The following KITLG variants were observed in gnomAD, a reference collection of about 807,000 sequenced individuals.
KITLG encodes c-Kit ligand.
KITLG carries 13 observed loss-of-function variants against 34.1 expected under a neutral mutation model. The observed-to-expected ratio is 0.38, with a 90% confidence interval of 0.25 to 0.61. The LOEUF is 0.61. Ranked by LOEUF, KITLG falls within the 20% of genes least tolerant of loss-of-function variation. The probability of loss-of-function intolerance (pLI) is 0.60; values close to 1 mark genes in which losing one functional copy is unlikely to be tolerated. For synonymous variants in KITLG, 110 were observed against 104.0 expected, an observed-to-expected ratio of 1.06 and a Z score of -0.35; for missense variants, 292 against 318.9, an observed-to-expected ratio of 0.92 and a Z score of 0.64.
At chr12:88,550,456 C>T (rs1251762765) in intron 1 of KITLG, among the ~76,000 whole-genome samples, 1 of 152,078 alleles carries the variant, frequency 6.6e-6, no homozygotes, top group African/African-American at 2.4e-5. Context: ...TGCTATCAGG[C>T]AGAGCGCTGG....
chr12:88,572,595 T>TTATATATATATA (rs58146008), intron 1 of KITLG, among the ~76,000 whole-genome samples: 43 of 134,912 alleles, frequency 3.2e-4, no homozygotes, highest in African/African-American at 1.1e-3. Flanking sequence ...ATATACATTA[T>TTATATATATATA]TATATATATA....
intron 5 of KITLG, 62 bp downstream of exon 5, chr12:88,516,272 C>G (rs1356444604): frequency 7.1e-7 from 1 of 1,407,296 alleles, no homozygotes; most frequent in Non-Finnish European, 1.0e-6. Context: ...TAGATTCTTA[C>G]TACATAGGGA....
At position 88,496,594 on chromosome 12, in the gene KITLG, G is replaced by T. The variant is rs941405004; in HGVS notation, c.*625C>A. On this transcript the variant is annotated 3_prime_UTR_variant, in exon 10 of 10. Coordinates refer to ENST00000644744, the MANE Select transcript of KITLG (RefSeq NM_000899.5). ...TGCATTTGTATAGTGGGATATGGGT[G>T]AGCATGGTTTACATCAGGAAGAGAT... 1 of 152,358 alleles carries T rather than the reference G, an allele frequency of 6.6e-6. No homozygotes were observed. The allele number at this position is 152,358 out of a possible 1,614,324, so 9.4% of individuals were successfully genotyped here. A position where few individuals can be genotyped will look rare whatever the true frequency, so the allele number is the denominator to read the frequency against.
intron 6 of KITLG, among the ~76,000 whole-genome samples, chr12:88,513,394 A>T (rs1011939989): frequency 6.6e-6 from 1 of 151,830 alleles, no homozygotes; most frequent in Non-Finnish European, 1.5e-5. Flanking sequence ...CAGATAAAAA[A>T]CAAGTAAGGA....
At chr12:88,508,635 G>A (rs547638142) in intron 6 of KITLG, among the ~76,000 whole-genome samples, 10 of 151,882 alleles carry the variant, frequency 6.6e-5, no homozygotes, top group African/African-American at 1.7e-4. Flanking sequence ...TGATCCCCAC[G>A]TAGGGAGTTG....
rs187887128 is a variant in KITLG, at chr12:88,518,516, A to G, written c.363+181T>C. ...ACATTTAAGTTTGAATGTGCACTTCAGTATTGCAGTATAACTGCAAATACT... is the reference window on the plus strand; with the variant it reads ...ACATTTAAGTTTGAATGTGCACTTCGGTATTGCAGTATAACTGCAAATACT... On this transcript the variant is annotated intron_variant, in intron 4 of 9. Coordinates refer to ENST00000644744, the MANE Select transcript of KITLG (RefSeq NM_000899.5). Among the ~76,000 whole-genome samples the G allele has an allele frequency of 5.8e-4, 88 of 152,330 alleles. 1 individual carries two copies. The highest frequency in any genetic ancestry group is 8.1e-4 in the Non-Finnish European group (55 of 68,032).
rs1868477570 is a variant in KITLG, at chr12:88,493,269, A to T, written c.*3950T>A. ...TTGTTTTAATTTTATTGTTAAAAAC[A>T]TCATAAGGATGTAGTTGGAGATGGC... On this transcript the variant is annotated 3_prime_UTR_variant, in exon 10 of 10. Transcript: ENST00000644744. 1 of 152,422 alleles carries T rather than the reference A, an allele frequency of 6.6e-6. No individual in the cohort carries two copies. The highest frequency in any genetic ancestry group is 1.5e-5 in the Non-Finnish European group (1 of 67,900). The allele number at this position is 152,422 out of a possible 1,614,324, so 9.4% of individuals were successfully genotyped here.
chr12:88,543,296 G>A (rs1051266299), intron 2 of KITLG, among the ~76,000 whole-genome samples: 1 of 151,916 alleles, frequency 6.6e-6, no homozygotes, highest in African/African-American at 2.4e-5. Flanking sequence ...AGTGTGTAAT[G>A]TTCCCCTCCC....
rs1473917211 is a variant in KITLG at position 88,493,420 on chromosome 12, A to G, written c.*3799T>C. On this transcript the variant is annotated 3_prime_UTR_variant, in exon 10 of 10. Transcript: ENST00000644744. ...AAAGTACCATTATTTTATTTTTACAAACAAAGGCATTTCAAGACTAGTTAA... is the reference window on the plus strand; with the variant it reads ...AAAGTACCATTATTTTATTTTTACAGACAAAGGCATTTCAAGACTAGTTAA... 1.3e-5 allele frequency: 2 copies of G among 152,346 alleles called. No homozygotes were observed. Among genetic ancestry groups the G allele is most frequent in the Admixed American group, 1.3e-4 (2 of 15,208 alleles). 9.4% of individuals were successfully genotyped at this position (152,346 alleles called of 1,614,324 possible).
At chr12:88,534,709 C>A in intron 2 of KITLG, 1 of 515,080 alleles carries the variant, frequency 1.9e-6, no homozygotes, top group South Asian at 1.4e-5. Context: ...CCAGACATGA[C>A]GGCATTTTTG....
intron 1 of KITLG, among the ~76,000 whole-genome samples, chr12:88,555,335 A>G (rs1049057094): frequency 1.3e-5 from 2 of 152,332 alleles, no homozygotes; most frequent in East Asian, 3.9e-4. Flanking sequence ...TAATCCTCCC[A>G]TCAACCAGGT....
At chr12:88,568,605 TTCTG>T (rs1198434084) in intron 1 of KITLG, among the ~76,000 whole-genome samples, 4 of 152,260 alleles carry the variant, frequency 2.6e-5, no homozygotes, top group Non-Finnish European at 4.4e-5. Flanking sequence ...TTAACTCTCA[TTCTG>T]TCTAACTCCA....
rs375429384 is a variant in KITLG, at chr12:88,515,509, C to A, written c.604+25G>T. 241 of 1,462,552 alleles carry A rather than the reference C, an allele frequency of 1.6e-4. 2 individuals carry two copies. The Middle Eastern group carries it at 8.5e-3, about 51-fold the overall frequency. 90.6% of individuals were successfully genotyped at this position (1,462,552 alleles called of 1,614,324 possible). A position where few individuals can be genotyped will look rare whatever the true frequency, so the allele number is the denominator to read the frequency against. ...TAGGTGCTAATTGGAGCCATGCATGCATTAAATCAGATATATGTACTTACT... is the reference window on the plus strand; with the variant it reads ...TAGGTGCTAATTGGAGCCATGCATGAATTAAATCAGATATATGTACTTACT... On this transcript the variant is annotated intron_variant, in intron 6 of 9. Transcript: ENST00000644744.
chr12:88,565,849 T>A (rs1195794818), intron 1 of KITLG, among the ~76,000 whole-genome samples: 1 of 152,126 alleles, frequency 6.6e-6, no homozygotes, highest in African/African-American at 2.4e-5. Context: ...TCAGGAGACA[T>A]AAAGTATGTA....
intron 9 of KITLG, among the ~76,000 whole-genome samples, chr12:88,502,080 G>A (rs1210375122): frequency 2.0e-5 from 3 of 152,194 alleles, no homozygotes; most frequent in South Asian, 2.1e-4. Flanking sequence ...GTAGGTGGCA[G>A]TATGTGACCT....
At chr12:88,534,330 A>T (rs1870222084) in intron 2 of KITLG, among the ~76,000 whole-genome samples, 1 of 151,730 alleles carries the variant, frequency 6.6e-6, no homozygotes, top group South Asian at 2.1e-4. Flanking sequence ...TTCACCATCA[A>T]CCTTCTTCAT....
At chr12:88,513,012 C>A (rs1355062) in intron 6 of KITLG, among the ~76,000 whole-genome samples, 100,138 of 151,572 alleles carry the variant, frequency 0.66, 37,098 homozygotes, top group Middle Eastern at 0.85. Flanking sequence ...TATATTTCTT[C>A]TTCTCTTACT....
intron 9 of KITLG, among the ~76,000 whole-genome samples, chr12:88,503,843 T>C (rs1326299387): frequency 6.6e-6 from 1 of 152,188 alleles, no homozygotes; most frequent in Non-Finnish European, 1.5e-5. Context: ...AAGGTGGCAA[T>C]TGACCTGGAA....
intron 6 of KITLG, 42 bp from the exon 7 acceptor site, chr12:88,507,179 T>C (rs1869098610): frequency 8.0e-7 from 1 of 1,245,052 alleles, no homozygotes; most frequent in Admixed American, 1.7e-5. Context: ...GCATATCCAT[T>C]CTAGAAGTTT....
Sources: gnomAD v4.1 joint callset for allele counts (sites outside exome capture counted in the v4.1 genomes callset) on GRCh38, gnomAD v4.1.1 for gene constraint, MANE v1.5 for transcripts, NCBI Gene and HGNC (gene_info 2026-07-23, HGNC 2026-07-21) for gene names.